Variants in CCDC88C observed in about 807,000 individuals in gnomAD.
CCDC88C encodes the protein coiled-coil and HOOK domain protein 88C.
A neutral mutation model predicts 198.8 loss-of-function variants in CCDC88C; 131 were observed. The ratio of observed to expected loss-of-function variants is 0.66; its 90% CI spans 0.57 to 0.76. The LOEUF (loss-of-function observed/expected upper bound fraction) is 0.76, where lower values mean the gene tolerates loss of function less well. Among genes scored for constraint, CCDC88C ranks in the 30% least tolerant of loss-of-function variants. The pLI is 0.00. For missense variants in CCDC88C, 2,553 were observed against 2,631.6 expected (o/e 0.97, Z 0.65); for synonymous variants, 1,166 against 1,114.7 (o/e 1.05, Z -0.92).
chr14:91,389,212 G>A (rs1885334145), intron 3 of CCDC88C, among the ~76,000 whole-genome samples: 1 of 152,158 alleles, frequency 6.6e-6, no homozygotes, highest in Non-Finnish European at 1.5e-5. Flanking sequence ...ACCAGGGAGG[G>A]ACAGGTACGG....
intron 10 of CCDC88C, among the ~76,000 whole-genome samples, chr14:91,333,006 G>A (rs1323490057): frequency 6.6e-6 from 1 of 152,166 alleles, no homozygotes; most frequent in East Asian, 1.9e-4. Flanking sequence ...GGCGGGGGTC[G>A]GGGGTGCGGA....
At chr14:91,296,238 C>T (rs1890996338) in intron 22 of CCDC88C, among the ~76,000 whole-genome samples, 1 of 152,250 alleles carries the variant, frequency 6.6e-6, no homozygotes, top group Non-Finnish European at 1.5e-5. Context: ...CCCTTGTCCC[C>T]TCTCGTGACC....
chr14:91,417,347 C>T, intron 1 of CCDC88C: 1 of 608,948 alleles, frequency 1.6e-6, no homozygotes, highest in South Asian at 1.9e-5. Flanking sequence ...CCCGAGGCAG[C>T]CAGCCTAGAG....
At chr14:91,417,539 G>A in intron 1 of CCDC88C, 92 bp downstream of exon 1, 1 of 1,247,682 alleles carries the variant, frequency 8.0e-7, no homozygotes, top group Non-Finnish European at 1.1e-6. Flanking sequence ...AGCCACCCGG[G>A]GCCCCGGCCG....
At position 91,303,971 on chromosome 14, in the gene CCDC88C, T is replaced by C. The variant is rs1891452120; in HGVS notation, c.3365A>G (p.Asn1122Ser). The change falls in exon 20 of 30, where the codon AAC becomes AGC. Residue 1122 changes from asparagine (N) to serine (S), a missense_variant. This residue lies in a region of CCDC88C where 1,293 missense variants were observed against 1,219.6 expected (regional missense o/e 1.06). Coordinates refer to ENST00000389857, the MANE Select transcript of CCDC88C (RefSeq NM_001080414.4). The stretch of plus-strand genomic sequence containing the variant: ...TGCGCTCTGGGAACTCAGCGTGGAG[T>C]TCTCCACCTGCCGAGAGGGAGAAGC... ...QTQTAKLQVE[N>S]STLSSQSAAL... The C allele has an allele frequency of 6.3e-7, 1 of 1,598,958 alleles. No homozygotes were observed. Among genetic ancestry groups the C allele is most frequent in the East Asian group, 2.2e-5 (1 of 44,666 alleles).
At chr14:91,322,233 G>A (rs1055863345) in intron 12 of CCDC88C, among the ~76,000 whole-genome samples, 1 of 152,176 alleles carries the variant, frequency 6.6e-6, no homozygotes, top group Non-Finnish European at 1.5e-5. Context: ...TGGGTACAGG[G>A]GGGTGATGGC....
At position 91,417,705 on chromosome 14, in the gene CCDC88C, C is replaced by A. The variant is rs746857480; in HGVS notation, c.-15G>T. 1 of 1,505,168 alleles carries A rather than the reference C, an allele frequency of 6.6e-7. No individual in the cohort carries two copies. Among genetic ancestry groups the A allele is most frequent in the South Asian group, 1.3e-5 (1 of 79,812 alleles). The allele number at this position is 1,505,168 out of a possible 1,614,324, so 93.2% of individuals were successfully genotyped here. ...GTCACGTCCATGCTGAGGCTGCGCC[C>A]GCCGGCTCCGCGCCCCCCGCCCCGC... On this transcript the variant is annotated 5_prime_UTR_variant, in exon 1 of 30. Transcript: ENST00000389857.
intron 3 of CCDC88C, among the ~76,000 whole-genome samples, chr14:91,386,891 C>T (rs947044701): frequency 4.6e-5 from 7 of 152,190 alleles, no homozygotes; most frequent in Admixed American, 3.9e-4. Flanking sequence ...CCAGGACCCA[C>T]CACAATGAGG....
rs199836200 is a variant in CCDC88C, at chr14:91,289,212, G to A, written c.4334C>T (p.Pro1445Leu). Reference sequence around the variant, plus strand: ...TGATCTGAGCGGCTGAGAGGCCGCCGGCGAGGCGGGGTCTGAGGACTCCAG... The same window carrying A: ...TGATCTGAGCGGCTGAGAGGCCGCCAGCGAGGCGGGGTCTGAGGACTCCAG... The part of the protein sequence containing the change: ...WQLESSDPAS[P>L]AASQPLRSQA... Residue 1445 changes from proline to leucine, a missense_variant, in exon 25 of 30, where the codon CCG (proline) becomes CTG (leucine). This residue lies in a region of CCDC88C where 1,293 missense variants were observed against 1,219.6 expected (regional missense o/e 1.06). Coordinates refer to ENST00000389857, the MANE Select transcript of CCDC88C (RefSeq NM_001080414.4). 23 of 1,613,904 alleles carry A rather than the reference G, an allele frequency of 1.4e-5. No homozygotes were observed. Among genetic ancestry groups the A allele is most frequent in the South Asian group, 2.2e-5 (2 of 91,084 alleles).
chr14:91,413,579 C>G (rs1348830252), intron 2 of CCDC88C, among the ~76,000 whole-genome samples: 2 of 152,224 alleles, frequency 1.3e-5, no homozygotes, highest in African/African-American at 4.8e-5. Context: ...ATTGAGCAGG[C>G]ATTCCCAGGC....
At chr14:91,324,944 C>G (rs368697848) in intron 11 of CCDC88C, 21 bp from the exon 12 acceptor site, 42 of 1,612,848 alleles carry the variant, frequency 2.6e-5, no homozygotes, top group Non-Finnish European at 3.6e-5. Context: ...CAAGAAGAGG[C>G]AAGAAGTGAG....
In CCDC88C at chr14:91,339,510, C is replaced by G; in HGVS notation, c.625-48G>C. 6.5e-7 allele frequency: 1 copy of G among 1,536,832 alleles called. No homozygotes were observed. ...ATGGAGGAGAACAAACGGGGTTAACCAGCACAACGCCTGAGCTTGAACAGG... is the reference window on the plus strand; with the variant it reads ...ATGGAGGAGAACAAACGGGGTTAACGAGCACAACGCCTGAGCTTGAACAGG... On this transcript the variant is annotated intron_variant, in intron 7 of 29. Coordinates refer to ENST00000389857, the MANE Select transcript of CCDC88C (RefSeq NM_001080414.4). The surrounding 1 kb of genome is among the most constrained non-coding windows in gnomAD (Gnocchi z 5.8).
chr14:91,298,108 T>G (rs1891095915), intron 21 of CCDC88C, among the ~76,000 whole-genome samples: 1 of 152,186 alleles, frequency 6.6e-6, no homozygotes, highest in East Asian at 1.9e-4. Flanking sequence ...CATAGACGTG[T>G]CTTATTTGGC....
At chr14:91,294,407 GCA>G in intron 22 of CCDC88C, 89 bp from the exon 23 acceptor site, 1 of 1,439,752 alleles carries the variant, frequency 6.9e-7, no homozygotes, top group South Asian at 1.2e-5. Context: ...GAAGGCCACT[GCA>G]CAAAGATGTT....
At chr14:91,372,540 G>GGGGGGC (rs561769995) in intron 3 of CCDC88C, among the ~76,000 whole-genome samples, 1 of 99,508 alleles carries the variant, frequency 1.0e-5, no homozygotes, top group Non-Finnish European at 2.0e-5. Flanking sequence ...GGGGGGGGCG[G>GGGGGGC]GCGGGGGGGG....
chr14:91,416,771 T>A lies in CCDC88C; in HGVS notation c.128A>T (p.Asp43Val). 1.2e-6 allele frequency: 2 copies of A among 1,613,548 alleles called. No individual in the cohort carries two copies. The highest frequency in any genetic ancestry group is 1.7e-6 in the Non-Finnish European group (2 of 1,179,680). ...CATAATTTGGTTCAAAAAGATGCCG[T>A]CCACTAAATCCATGTACATAGTCAG... ...DNLTMYMDLVDGIFLNQIMLQ... is the reference protein window; with the variant it reads ...DNLTMYMDLVVGIFLNQIMLQ... The change falls in exon 2 of 30, where the codon GAC (aspartate) becomes GTC (valine). Residue 43 changes from aspartate to valine, a missense_variant. Around this residue, in one of 2 missense-constraint regions of CCDC88C, gnomAD observed 1,260 missense variants for 1,412.0 expected, o/e 0.89. Coordinates refer to ENST00000389857, the MANE Select transcript of CCDC88C (RefSeq NM_001080414.4).
At chr14:91,292,012 G>C (rs1263845784) in intron 23 of CCDC88C, among the ~76,000 whole-genome samples, 4 of 152,184 alleles carry the variant, frequency 2.6e-5, no homozygotes, top group Non-Finnish European at 4.4e-5. Flanking sequence ...GGGTGGTCTT[G>C]AGAGCCCAGA....
chr14:91,359,498 C>T (rs924099474), intron 4 of CCDC88C, 144 bp downstream of exon 4: 2 of 669,500 alleles, frequency 3.0e-6, no homozygotes, highest in African/African-American at 1.8e-5. Flanking sequence ...GGTAATGAAC[C>T]CACTCTTTAA....
At chr14:91,286,736 G>A (rs1354317835) in intron 25 of CCDC88C, among the ~76,000 whole-genome samples, 9 of 152,206 alleles carry the variant, frequency 5.9e-5, no homozygotes, top group Non-Finnish European at 8.8e-5. Flanking sequence ...CATCTTCAGG[G>A]ACCCAGAGAG....
Sources: gnomAD v4.1 joint callset for allele counts (sites outside exome capture counted in the v4.1 genomes callset) on GRCh38, gnomAD v4.1.1 for gene constraint, gnomAD v4.1.1 regional missense constraint, Gnocchi (gnomAD v3.1) non-coding constraint, MANE v1.5 for transcripts, NCBI Gene and HGNC (gene_info 2026-07-23, HGNC 2026-07-21) for gene names.